The following PRDM15 variants were observed in gnomAD, a reference collection of about 807,000 sequenced individuals.
PRDM15 encodes PR/SET domain 15.
Under a neutral mutation model 128.6 loss-of-function variants are expected in PRDM15, and 64 were observed. The observed-to-expected ratio is 0.50, with a 90% confidence interval of 0.41 to 0.61. The LOEUF is 0.61. Ranked by LOEUF, PRDM15 falls within the 20% of genes least tolerant of loss-of-function variation. The pLI is 0.00. For synonymous variants in PRDM15, 615 were observed against 621.8 expected, an observed-to-expected ratio of 0.99 and a Z score of 0.16; for missense variants, 1,242 against 1,569.1, an observed-to-expected ratio of 0.79 and a Z score of 3.52.
At position 41,821,868 on chromosome 21, in the gene PRDM15, G is replaced by C. The variant is rs750685702; in HGVS notation, c.1896+35C>G. On this transcript the variant is annotated intron_variant, in intron 15 of 23. Transcript: ENST00000398548. This position sits in a 1 kb window ranked among gnomAD's most constrained non-coding sequence, Gnocchi z 5.4. ...CTTGAAACGACCACCTTCCTCTCCA[G>C]ACCACCCAGGCACCGCGGGGCAAAC... is the stretch of plus-strand genomic sequence containing the variant. 6.2e-7 allele frequency: 1 copy of C among 1,611,818 alleles called. No homozygotes were observed. Among genetic ancestry groups the C allele is most frequent in the Non-Finnish European group, 8.5e-7 (1 of 1,179,804 alleles).
chr21:41,847,338 GAC>G (rs2063298362), intron 5 of PRDM15, 147 bp from the exon 6 acceptor site: 1 of 588,922 alleles, frequency 1.7e-6, no homozygotes. Context: ...CACTCCACAT[GAC>G]AGACACCATT....
intron 21 of PRDM15, among the ~76,000 whole-genome samples, chr21:41,809,120 C>T (rs2061774715): frequency 6.6e-6 from 1 of 152,252 alleles, no homozygotes; most frequent in African/African-American, 2.4e-5. Flanking sequence ...CGCATGAGCT[C>T]CCTCTCCGTG....
At chr21:41,878,708 C>T in intron 1 of PRDM15, 12 of 1,572,696 alleles carry the variant, frequency 7.6e-6, no homozygotes, top group Non-Finnish European at 1.0e-5. Context: ...GACTCAGCTT[C>T]TCTAAACGCG....
chr21:41,819,568 GCACCCGTACCCACCTTTCC>G lies in PRDM15; in HGVS notation c.2255_2260+13del. Reference sequence around the variant, plus strand: ...TGGCTGAGCCTGGCCCATGTCCCCAGCACCCGTACCCACCTTTCCCACACTCGGCACACAGGTACTCGCG... The same window carrying G: ...TGGCTGAGCCTGGCCCATGTCCCCAGCACACTCGGCACACAGGTACTCGCG... On this transcript the variant is annotated splice_donor_variant and splice_donor_5th_base_variant and coding_sequence_variant and intron_variant, in exon 18 of 24. Coordinates refer to ENST00000398548, the MANE Select transcript of PRDM15 (RefSeq NM_001040424.3). LOFTEE classifies it high-confidence loss of function. 6.3e-7 allele frequency: 1 copy of G among 1,577,336 alleles called. No individual in the cohort carries two copies.
intron 1 of PRDM15, among the ~76,000 whole-genome samples, chr21:41,873,396 C>G (rs763192906): frequency 6.6e-6 from 1 of 152,228 alleles, no homozygotes; most frequent in Non-Finnish European, 1.5e-5. Flanking sequence ...TCACTCCGAA[C>G]GCCCAATGTC....
chr21:41,861,510 C>A (rs73219088), intron 1 of PRDM15: 70,627 of 1,436,782 alleles, frequency 0.049, 2,635 homozygotes, highest in East Asian at 0.2. Flanking sequence ...ACAGTATGTG[C>A]CACCAAATGA....
At chr21:41,874,525 A>ATTTTTTTTTTTTTT (rs61045274) in intron 1 of PRDM15, among the ~76,000 whole-genome samples, 1 of 95,816 alleles carries the variant, frequency 1.0e-5, no homozygotes, top group Non-Finnish European at 2.0e-5. Flanking sequence ...ATATATATAT[A>ATTTTTTTTTTTTTT]TTTTTTTTTT....
intron 5 of PRDM15, among the ~76,000 whole-genome samples, chr21:41,850,411 G>C (rs2063393339): frequency 6.6e-6 from 1 of 151,710 alleles, no homozygotes; most frequent in African/African-American, 2.4e-5. Context: ...TTCTTGTAAA[G>C]AAACAAAATC....
rs745379477 is a variant in PRDM15 at position 41,801,040 on chromosome 21, G to T, written c.*200C>A. On this transcript the variant is annotated 3_prime_UTR_variant, in exon 24 of 24. Transcript: ENST00000398548. ...GGAGCCCCATCCAGTTTAAAACTCTGGCCTGCCAGAGGTCCCTTCTAGAGT... is the reference window on the plus strand; with the variant it reads ...GGAGCCCCATCCAGTTTAAAACTCTTGCCTGCCAGAGGTCCCTTCTAGAGT... 2.7e-5 allele frequency: 18 copies of T among 674,274 alleles called. No individual in the cohort carries two copies. Among genetic ancestry groups the T allele is most frequent in the Non-Finnish European group, 3.7e-5 (16 of 428,614 alleles). The allele number at this position is 674,274 out of a possible 1,614,324, so 41.8% of individuals were successfully genotyped here.
intron 17 of PRDM15, 127 bp downstream of exon 17, chr21:41,819,968 C>T (rs2062194150): frequency 9.4e-6 from 8 of 848,252 alleles, no homozygotes; most frequent in Admixed American, 2.1e-5. Flanking sequence ...GCTGGAGAAA[C>T]AGAGGAAGGC....
rs938899573 is a variant in PRDM15, at chr21:41,821,889, C to A, written c.1896+14G>T. 1 of 1,613,150 alleles carries A rather than the reference C, an allele frequency of 6.2e-7. No homozygotes were observed. Among genetic ancestry groups the A allele is most frequent in the South Asian group, 1.1e-5 (1 of 91,068 alleles). On this transcript the variant is annotated intron_variant, in intron 15 of 23. Transcript: ENST00000398548. The surrounding 1 kb of genome is among the most constrained non-coding windows in gnomAD (Gnocchi z 5.4). ...TCCAGACCACCCAGGCACCGCGGGGCAAACCCGCCATACCTGGCACCGCTT... is the reference window on the plus strand; with the variant it reads ...TCCAGACCACCCAGGCACCGCGGGGAAAACCCGCCATACCTGGCACCGCTT...
chr21:41,858,938 C>T (rs1330736996), intron 3 of PRDM15: 9 of 987,328 alleles, frequency 9.1e-6, no homozygotes, highest in African/African-American at 1.6e-5. Context: ...GTGCCAGGTA[C>T]CATCACCCAC....
chr21:41,809,212 C>A (rs189205178), intron 21 of PRDM15, among the ~76,000 whole-genome samples: 217 of 151,942 alleles, frequency 1.4e-3, no homozygotes, highest in Non-Finnish European at 2.1e-3. Flanking sequence ...TCTAACACAG[C>A]CATGGCCTAT....
intron 21 of PRDM15, among the ~76,000 whole-genome samples, chr21:41,809,712 C>T (rs954981423): frequency 4.6e-5 from 7 of 152,246 alleles, no homozygotes; most frequent in Non-Finnish European, 7.4e-5. Flanking sequence ...CATTTAATTA[C>T]GGAACATCCT....
At chr21:41,847,011 G>A (rs1293798247) in intron 6 of PRDM15, 79 bp downstream of exon 6, 20 of 946,590 alleles carry the variant, frequency 2.1e-5, no homozygotes, top group African/African-American at 3.3e-5. Flanking sequence ...CCCGACAGCC[G>A]CAGACAGGTG....
Position 41,862,313 on chromosome 21 carries a change from G to A in PRDM15, c.-9-1941C>T, listed in dbSNP as rs2063843981. Among the ~76,000 whole-genome samples the A allele has an allele frequency of 6.6e-6, 1 of 152,206 alleles. No homozygotes were observed. Among genetic ancestry groups the A allele is most frequent in the Admixed American group, 6.5e-5 (1 of 15,284 alleles). On this transcript the variant is annotated intron_variant, in intron 1 of 23. Coordinates refer to ENST00000398548, the MANE Select transcript of PRDM15 (RefSeq NM_001040424.3). This position sits in a 1 kb window ranked among gnomAD's most constrained non-coding sequence, Gnocchi z 4.1. Reference sequence around the variant, plus strand: ...AACAAAGGTATTGGAATCGGAGTGGGAGGATGGAAGGAAGTCGTCCTGGCC... The same window carrying A: ...AACAAAGGTATTGGAATCGGAGTGGAAGGATGGAAGGAAGTCGTCCTGGCC...
chr21:41,829,121 CA>C (rs2062586936), intron 11 of PRDM15, among the ~76,000 whole-genome samples: 1 of 55,038 alleles, frequency 1.8e-5, no homozygotes, highest in Non-Finnish European at 3.9e-5. Flanking sequence ...ACACCACACT[CA>C]ACATACCACA....
chr21:41,815,953 T>A, intron 18 of PRDM15, 117 bp from the exon 19 acceptor site: 1 of 1,336,262 alleles, frequency 7.5e-7, no homozygotes, highest in Non-Finnish European at 1.0e-6. Context: ...GGTGAGGGTG[T>A]GGGCCGGCCC....
intron 5 of PRDM15, among the ~76,000 whole-genome samples, chr21:41,847,931 C>T (rs544955828): frequency 6.6e-6 from 1 of 152,312 alleles, no homozygotes; most frequent in East Asian, 1.9e-4. Context: ...ACTACAGGCA[C>T]CTTTTAACAA....
Sources: allele counts gnomAD v4.1 joint callset (sites outside exome capture counted in the v4.1 genomes callset), GRCh38; gene constraint gnomAD v4.1.1; non-coding constraint Gnocchi (gnomAD v3.1); transcripts MANE v1.5; gene names NCBI Gene and HGNC (gene_info 2026-07-23, HGNC 2026-07-21).